CILP2: variants seen among roughly 807,000 people sequenced by gnomAD.
The protein encoded by CILP2 is cartilage intermediate layer protein 2.
CILP2 carries 38 observed loss-of-function variants against 45.6 expected under a neutral mutation model. The observed-to-expected ratio is 0.83, with a 90% CI of 0.64 to 1.09. The LOEUF (loss-of-function observed/expected upper bound fraction) is 1.09, where lower values mean the gene tolerates loss of function less well. Ranked by LOEUF, CILP2 falls within the 50% of genes least tolerant of loss-of-function variation. The pLI, the probability that CILP2 is intolerant of heterozygous loss-of-function variation, is 0.00. For missense variants in CILP2, 1,735 were observed against 1,662.2 expected, an observed-to-expected ratio of 1.04 and a Z score of -0.76; for synonymous variants, 780 against 723.5, an observed-to-expected ratio of 1.08 and a Z score of -1.25.
chr19:19,545,078 C>G lies in CILP2; in HGVS notation c.2533C>G (p.Arg845Gly), dbSNP rs781443285. 8 of 1,609,958 alleles carry G rather than the reference C, an allele frequency of 5.0e-6. No homozygotes were observed. In the Admixed American group the frequency reaches 6.7e-5, roughly 13 times the overall value. ...TQPYLDRLGY[R>G]RTDHDDPAFK... Reference sequence around the variant, plus strand: ...GCCCTACCTGGACAGGCTGGGGTACCGTCGGACGGACCACGACGATCCCGC... The same window carrying G: ...GCCCTACCTGGACAGGCTGGGGTACGGTCGGACGGACCACGACGATCCCGC... Residue 845 changes from arginine to glycine, a missense_variant, in exon 8 of 8, where the codon CGT becomes GGT. Arg to Gly is a moderately radical substitution (Grantham distance 125, BLOSUM62 -2). Transcript: ENST00000291495.
rs759400592 is a variant in CILP2 at position 19,545,595 on chromosome 19, G to A, written c.3050G>A (p.Ser1017Asn). ...RTLVTIMPQGSCRRVAVNGLL... is the reference protein window; with the variant it reads ...RTLVTIMPQGNCRRVAVNGLL... ...CTGGTGACCATTATGCCCCAGGGCA[G>A]CTGCCGGCGCGTGGCCGTCAACGGA... Residue 1017 changes from serine (S) to asparagine (N), a missense_variant, in exon 8 of 8, where the codon AGC becomes AAC. Ser to Asn is a conservative substitution (Grantham distance 46). Transcript: ENST00000291495. 3 of 1,609,104 alleles carry A rather than the reference G, an allele frequency of 1.9e-6. No individual in the cohort carries two copies. The highest frequency in any genetic ancestry group is 1.7e-6 in the Non-Finnish European group (2 of 1,177,754).
rs143503295 is a variant in CILP2 at position 19,543,428 on chromosome 19, C to G, written c.1135+23C>G. On this transcript the variant is annotated intron_variant, in intron 7 of 7. Coordinates refer to ENST00000291495, the MANE Select transcript of CILP2 (RefSeq NM_153221.2). Reference sequence around the variant, plus strand: ...TTGGTGAGTGTCCTTGGCCACAGCCCCGAGCAAGCCTTCACCCAAACGGAA... The same window carrying G: ...TTGGTGAGTGTCCTTGGCCACAGCCGCGAGCAAGCCTTCACCCAAACGGAA... 1.0e-4 allele frequency: 166 copies of G among 1,611,364 alleles called. 2 individuals are homozygous for G. The African/African-American group carries it at 1.8e-3, about 18-fold the overall frequency.
rs1568369468 is a variant in CILP2 at position 19,542,900 on chromosome 19, T to C, written c.905T>C (p.Val302Ala). 1.9e-6 allele frequency: 3 copies of C among 1,613,912 alleles called. No homozygotes were observed. The Admixed American group carries it at 5.0e-5, about 27-fold the overall frequency. ...PYLVKHPESR[V>A]REAGQNVTFC... Reference sequence around the variant, plus strand: ...CTGGTGAAACACCCTGAGTCCCGAGTGCGAGAGGCTGGCCAGAATGTGACT... The same window carrying C: ...CTGGTGAAACACCCTGAGTCCCGAGCGCGAGAGGCTGGCCAGAATGTGACT... The change falls in exon 6 of 8, where the codon GTG becomes GCG. Residue 302 changes from valine (V) to alanine (A), a missense_variant. Coordinates refer to ENST00000291495, the MANE Select transcript of CILP2 (RefSeq NM_153221.2).
chr19:19,542,889 T>C lies in CILP2; in HGVS notation c.894T>C (p.Pro298=). The change falls in exon 6 of 8, where the codon CCT becomes CCC. Residue 298 remains proline, a synonymous_variant. Coordinates refer to ENST00000291495, the MANE Select transcript of CILP2 (RefSeq NM_153221.2). ...AGAAGCCGTACCTGGTGAAACACCCTGAGTCCCGAGTGCGAGAGGCTGGCC... is the reference window on the plus strand; with the variant it reads ...AGAAGCCGTACCTGGTGAAACACCCCGAGTCCCGAGTGCGAGAGGCTGGCC... ...KLEKPYLVKH[P]ESRVREAGQN... is the part of the protein sequence containing the mutation. 1 of 1,613,980 alleles carries C rather than the reference T, an allele frequency of 6.2e-7. No individual in the cohort carries two copies. Among genetic ancestry groups the C allele is most frequent in the Non-Finnish European group, 8.5e-7 (1 of 1,179,842 alleles).
intron 1 of CILP2, 32 bp from the exon 2 acceptor site, chr19:19,539,647 C>T (rs375845953): frequency 2.0e-6 from 3 of 1,489,056 alleles, no homozygotes; most frequent in Middle Eastern, 1.8e-4. Context: ...TCAGTAGCAG[C>T]GTGCTTCCTT....
chr19:19,545,456 G>A lies in CILP2; in HGVS notation c.2911G>A (p.Gly971Arg). The change falls in exon 8 of 8, where the codon GGA (glycine) becomes AGA (arginine). Residue 971 changes from glycine (G) to arginine (R), a missense_variant. Gly to Arg is a moderately radical substitution (Grantham distance 125). Transcript: ENST00000291495. ...CCCACGCACCCGCGGCCAGCTCTAC[G>A]GACTTCGGGATGCCCGGAGTGTGCG... Reference protein sequence around the residue: ...SHPRTRGQLYGLRDARSVRDP... With the variant: ...SHPRTRGQLYRLRDARSVRDP... 6.2e-7 allele frequency: 1 copy of A among 1,612,252 alleles called. No individual in the cohort carries two copies.
At position 19,545,416 on chromosome 19, in the gene CILP2, C is replaced by T. The variant is rs2061261169; in HGVS notation, c.2871C>T (p.Asn957=). ...AGGAGTATATGGTCCGCTCCCACAA[C>T]GCAGGGGGCAGCCACCCACGCACCC... ...GPQEYMVRSH[N]AGGSHPRTRG... The change falls in exon 8 of 8, where the codon AAC becomes AAT. Residue 957 remains asparagine (N), a synonymous_variant. Coordinates refer to ENST00000291495, the MANE Select transcript of CILP2 (RefSeq NM_153221.2). The T allele has an allele frequency of 6.2e-7, 1 of 1,612,556 alleles. No homozygotes were observed. The highest frequency in any genetic ancestry group is 1.3e-5 in the African/African-American group (1 of 74,936).
At position 19,542,939 on chromosome 19, in the gene CILP2, C is replaced by T. The variant is rs376814408; in HGVS notation, c.944C>T (p.Ala315Val). The T allele has an allele frequency of 2.0e-5, 32 of 1,613,728 alleles. No individual in the cohort carries two copies. Among genetic ancestry groups the T allele is most frequent in the Non-Finnish European group, 2.7e-5 (32 of 1,179,752 alleles). Residue 315 changes from alanine to valine, a missense_variant, in exon 6 of 8, where the codon GCC becomes GTC. Ala to Val is a moderately conservative substitution (Grantham distance 64). Coordinates refer to ENST00000291495, the MANE Select transcript of CILP2 (RefSeq NM_153221.2). ...CAGAATGTGACTTTCTGCTGCAAAGCCTCCGGGACCCCCATGCCCAAGAAA... is the reference window on the plus strand; with the variant it reads ...CAGAATGTGACTTTCTGCTGCAAAGTCTCCGGGACCCCCATGCCCAAGAAA... ...AGQNVTFCCKASGTPMPKKYS... is the reference protein window; with the variant it reads ...AGQNVTFCCKVSGTPMPKKYS...
Position 19,542,181 on chromosome 19 carries a change from C to T in CILP2, c.593-194C>T, listed in dbSNP as rs148754877. Among the ~76,000 whole-genome samples, 51 of 152,290 alleles carry T rather than the reference C, an allele frequency of 3.3e-4. 1 individual carries two copies. The highest frequency in any genetic ancestry group is 8.3e-4 in the South Asian group (4 of 4,830). Reference sequence around the variant, plus strand: ...CTGGATCCCAGTTCCTATGCCCTGGCCCAGTCCTGACCACTTAGCCCATCT... The same window carrying T: ...CTGGATCCCAGTTCCTATGCCCTGGTCCAGTCCTGACCACTTAGCCCATCT... On this transcript the variant is annotated intron_variant, in intron 4 of 7. Coordinates refer to ENST00000291495, the MANE Select transcript of CILP2 (RefSeq NM_153221.2).
rs1291921849 is a variant in CILP2 at position 19,544,010 on chromosome 19, C to T, written c.1465C>T (p.Arg489Cys). ...VVAADSGEPL[R>C]FARILLGQEP... is the part of the protein sequence containing the mutation. ...GGCTGCTGACTCCGGGGAGCCGCTA[C>T]GCTTCGCCAGGATTCTGCTGGGCCA... Residue 489 changes from arginine (R) to cysteine (C), a missense_variant, in exon 8 of 8, where the codon CGC (arginine) becomes TGC (cysteine). Arg to Cys is a radical substitution (Grantham distance 180). Transcript: ENST00000291495. 2.5e-6 allele frequency: 4 copies of T among 1,613,614 alleles called. No homozygotes were observed. Among genetic ancestry groups the T allele is most frequent in the South Asian group, 1.1e-5 (1 of 91,080 alleles).
In CILP2 at chr19:19,543,807, C is replaced by A. The variant is rs768629391; in HGVS notation, c.1262C>A (p.Pro421His). 11 of 1,613,740 alleles carry A rather than the reference C, an allele frequency of 6.8e-6. No individual in the cohort carries two copies. Among genetic ancestry groups the A allele is most frequent in the South Asian group, 4.4e-5 (4 of 91,070 alleles). The change falls in exon 8 of 8, where the codon CCC becomes CAC. Residue 421 changes from proline (P) to histidine (H), a missense_variant. Transcript: ENST00000291495. The stretch of plus-strand genomic sequence containing the variant: ...GGCCTCTGTCCCGACACCCGCTGCC[C>A]CAGCCTGGCAGGCTCCAGCCCCCGC... ...DVGLCPDTRC[P>H]SLAGSSPRCG...
Position 19,546,121 on chromosome 19 carries a change from TCCCCTTTCCCG to T in CILP2, c.*115_*125del. 1.1e-6 allele frequency: 1 copy of T among 934,742 alleles called. No homozygotes were observed. Among genetic ancestry groups the T allele is most frequent in the East Asian group, 2.9e-5 (1 of 34,518 alleles). The allele number at this position is 934,742 out of a possible 1,614,324, so 57.9% of individuals were successfully genotyped here. Reference sequence around the variant, plus strand: ...ACAGCCCCCTCCCCAGGTGTCTGGGTCCCCTTTCCCGCCCCTTTCCAGAACTCAGAGTCAGA... The same window carrying T: ...ACAGCCCCCTCCCCAGGTGTCTGGGTCCCCTTTCCAGAACTCAGAGTCAGA... On this transcript the variant is annotated 3_prime_UTR_variant, in exon 8 of 8. Coordinates refer to ENST00000291495, the MANE Select transcript of CILP2 (RefSeq NM_153221.2).
At position 19,539,794 on chromosome 19, in the gene CILP2, C is replaced by T. The variant is rs942549362; in HGVS notation, c.163+17C>T. Reference sequence around the variant, plus strand: ...ACTGGGAAGGTGAGTTAGCCTGCCTCGGAGTCCCGTCTCTGCTGCGGGCTT... The same window carrying T: ...ACTGGGAAGGTGAGTTAGCCTGCCTTGGAGTCCCGTCTCTGCTGCGGGCTT... On this transcript the variant is annotated intron_variant, in intron 2 of 7. Transcript: ENST00000291495. 5 of 1,555,976 alleles carry T rather than the reference C, an allele frequency of 3.2e-6. No homozygotes were observed. In the Admixed American group the frequency reaches 5.6e-5, roughly 17 times the overall value.
intron 4 of CILP2, 71 bp from the exon 5 acceptor site, chr19:19,542,304 T>A: frequency 1.2e-5 from 19 of 1,520,236 alleles, no homozygotes; most frequent in Non-Finnish European, 1.7e-5. Context: ...AGTGACTGAT[T>A]GAATGGAAAG....
chr19:19,543,595 G>A, intron 7 of CILP2, 86 bp from the exon 8 acceptor site: 1 of 1,426,268 alleles, frequency 7.0e-7, no homozygotes, highest in Non-Finnish European at 9.6e-7. Context: ...CTTAGGTGGA[G>A]TCCTTGACTG....
Position 19,544,698 on chromosome 19 carries a change from A to G in CILP2, c.2153A>G (p.Asn718Ser). The G allele has an allele frequency of 6.3e-7, 1 of 1,586,354 alleles. No homozygotes were observed. Among genetic ancestry groups the G allele is most frequent in the Middle Eastern group, 1.7e-4 (1 of 5,950 alleles). ...RREERVFLVG[N>S]VEIRERRLFN... Reference sequence around the variant, plus strand: ...GAGGAGCGCGTCTTCCTGGTGGGCAACGTGGAGATCCGGGAGCGGCGCCTG... The same window carrying G: ...GAGGAGCGCGTCTTCCTGGTGGGCAGCGTGGAGATCCGGGAGCGGCGCCTG... The change falls in exon 8 of 8, where the codon AAC becomes AGC. Residue 718 changes from asparagine to serine, a missense_variant. Physicochemically the swap from Asn to Ser is conservative, Grantham distance 46. Coordinates refer to ENST00000291495, the MANE Select transcript of CILP2 (RefSeq NM_153221.2).
chr19:19,540,716 C>A (rs1317609674), intron 3 of CILP2: 1 of 517,738 alleles, frequency 1.9e-6, no homozygotes, highest in African/African-American at 2.0e-5. Context: ...TCAGGAGGCC[C>A]AGCGGGTCAG....
rs1283970096 is a variant in CILP2 at position 19,544,393 on chromosome 19, C to T, written c.1848C>T (p.Thr616=). ...CGTTCGTGGACCCCCGAGACCTCAC[C>T]TCGGCGGCGTCTGCCCCCAGTGACC... ...RVTFVDPRDL[T]SAASAPSDLR... is the part of the protein sequence containing the mutation. Residue 616 remains threonine (T), a synonymous_variant, in exon 8 of 8, where the codon ACC becomes ACT. Transcript: ENST00000291495. The T allele has an allele frequency of 6.2e-7, 1 of 1,610,358 alleles. No individual in the cohort carries two copies. The highest frequency in any genetic ancestry group is 8.5e-7 in the Non-Finnish European group (1 of 1,179,488).
chr19:19,539,179 T>C (rs1289226997), intron 1 of CILP2, among the ~76,000 whole-genome samples: 3 of 151,948 alleles, frequency 2.0e-5, no homozygotes, highest in South Asian at 2.1e-4. Context: ...GTGGTGGTCA[T>C]GGGCAGCGCG....
Sources: allele counts gnomAD v4.1 joint callset (sites outside exome capture counted in the v4.1 genomes callset), GRCh38; gene constraint gnomAD v4.1.1; transcripts MANE v1.5; gene names NCBI Gene and HGNC (gene_info 2026-07-23, HGNC 2026-07-21).